ATP5F1A: variants seen among roughly 807,000 people sequenced by gnomAD.
The protein encoded by ATP5F1A is ATP synthase F(1) complex subunit alpha, mitochondrial.
ATP5F1A carries 24 observed loss-of-function variants against 57.4 expected under a neutral mutation model. The ratio of observed to expected loss-of-function variants is 0.42; its 90% CI spans 0.30 to 0.59. The LOEUF (loss-of-function observed/expected upper bound fraction) is 0.59. Ranked by LOEUF, ATP5F1A falls within the 20% of genes least tolerant of loss-of-function variation. ATP5F1A has a pLI of 0.19. For synonymous variants in ATP5F1A, 251 were observed against 255.5 expected, an observed-to-expected ratio of 0.98 and a Z score of 0.17; for missense variants, 494 against 707.9, an observed-to-expected ratio of 0.70 and a Z score of 3.43.
intron 1 of ATP5F1A, chr18:46,097,865 G>T (rs1403540612): frequency 8.5e-7 from 1 of 1,181,214 alleles, no homozygotes; most frequent in Non-Finnish European, 1.0e-6. Flanking sequence ...GAGAGCTAGC[G>T]CCCAAGCCCT....
chr18:46,102,226 T>A (rs1911296467), upstream of ATP5F1A, among the ~76,000 whole-genome samples: 1 of 151,864 alleles, frequency 6.6e-6, no homozygotes, highest in Non-Finnish European at 1.5e-5. Flanking sequence ...GTGATAAAAG[T>A]GGACAAAAGA....
intron 3 of ATP5F1A, among the ~76,000 whole-genome samples, chr18:46,090,495 CCAAT>C (rs1385000310): frequency 4.6e-5 from 7 of 152,242 alleles, no homozygotes; most frequent in East Asian, 1.9e-4. Context: ...CTAACTGTAA[CCAAT>C]CAAATACAAA....
chr18:46,092,659 T>A (rs1020200482), intron 2 of ATP5F1A, among the ~76,000 whole-genome samples: 2 of 151,244 alleles, frequency 1.3e-5, no homozygotes, highest in Admixed American at 6.6e-5. Context: ...CACGAGATTC[T>A]ATTTTTAAAA....
intron 3 of ATP5F1A, among the ~76,000 whole-genome samples, chr18:46,090,974 T>C (rs988303794): frequency 1.5e-4 from 23 of 152,224 alleles, no homozygotes; most frequent in Non-Finnish European, 2.1e-4. Flanking sequence ...AGATAAATAC[T>C]GTACACTGAA....
intron 1 of ATP5F1A, chr18:46,097,895 C>T: frequency 8.2e-7 from 1 of 1,225,946 alleles, no homozygotes; most frequent in Non-Finnish European, 1.0e-6. Context: ...CCAAGATCCC[C>T]CTTCTAGGGC....
intron 1 of ATP5F1A, among the ~76,000 whole-genome samples, chr18:46,096,982 C>CAAAAAAAAAAAAAAAAAAAAAA (rs71160709): frequency 1.3e-5 from 1 of 75,170 alleles, no homozygotes; most frequent in African/African-American, 6.2e-5. Flanking sequence ...GACACCATCT[C>CAAAAAAAAAAAAAAAAAAAAAA]AAAAAAAAAA....
intron 2 of ATP5F1A, among the ~76,000 whole-genome samples, chr18:46,092,625 A>G (rs1034316271): frequency 6.7e-6 from 1 of 150,058 alleles, no homozygotes; most frequent in Non-Finnish European, 1.5e-5. Context: ...AATTATATAT[A>G]TATATATATA....
chr18:46,087,273 A>G (rs1193814926), intron 7 of ATP5F1A, 41 bp from the exon 8 acceptor site: 2 of 1,611,654 alleles, frequency 1.2e-6, no homozygotes, highest in Non-Finnish European at 1.7e-6. Context: ...CCTATTAAAT[A>G]GAAGTTGCAT....
At chr18:46,100,416 AG>A (rs1911243099), upstream of ATP5F1A, among the ~76,000 whole-genome samples, 1 of 152,212 alleles carries the variant, frequency 6.6e-6, no homozygotes, top group Admixed American at 6.6e-5. Flanking sequence ...GTACGTCAGA[AG>A]AACAAACAGA....
At chr18:46,096,718 A>T (rs1010846571) in intron 1 of ATP5F1A, among the ~76,000 whole-genome samples, 1 of 151,418 alleles carries the variant, frequency 6.6e-6, no homozygotes, top group Non-Finnish European at 1.5e-5. Context: ...ACGACGGCTC[A>T]TGCTTGTAAT....
Position 46,091,865 on chromosome 18 carries a change from T to G in ATP5F1A, c.140-14A>C. The G allele has an allele frequency of 6.3e-7, 1 of 1,599,966 alleles. No individual in the cohort carries two copies. The highest frequency in any genetic ancestry group is 8.5e-7 in the Non-Finnish European group (1 of 1,175,190). ...TCTCAGCAGTCCCTATGGAAGACAA[T>G]TCAATTCAATTAAAAAAATAATCTG... On this transcript the variant is annotated splice_polypyrimidine_tract_variant and intron_variant, in intron 2 of 11. Coordinates refer to ENST00000398752, the MANE Select transcript of ATP5F1A (RefSeq NM_004046.6).
chr18:46,091,028 G>A (rs932649434), intron 3 of ATP5F1A, among the ~76,000 whole-genome samples: 13 of 152,294 alleles, frequency 8.5e-5, no homozygotes, highest in South Asian at 2.1e-4. Flanking sequence ...ATAACTTTGG[G>A]CTCTGTAATT....
chr18:46,092,444 A>G (rs1910635988), intron 2 of ATP5F1A, among the ~76,000 whole-genome samples: 2 of 149,938 alleles, frequency 1.3e-5, no homozygotes, highest in Non-Finnish European at 3.0e-5. Flanking sequence ...CCCCGTCTCC[A>G]CTAAAAATAA....
intron 5 of ATP5F1A, chr18:46,088,518 T>C (rs536231891): frequency 5.9e-5 from 16 of 273,064 alleles, no homozygotes; most frequent in African/African-American, 3.6e-4. Context: ...AGGATGTGCT[T>C]TGGTAAAAAT....
chr18:46,092,449 A>C (rs1288138780), intron 2 of ATP5F1A, among the ~76,000 whole-genome samples: 1 of 150,522 alleles, frequency 6.6e-6, no homozygotes, highest in African/African-American at 2.4e-5. Context: ...TCTCCACTAA[A>C]AATAAAAAAA....
intron 6 of ATP5F1A, 56 bp downstream of exon 6, chr18:46,088,053 A>G (rs563064129): frequency 6.4e-7 from 1 of 1,559,100 alleles, no homozygotes; most frequent in Non-Finnish European, 8.6e-7. Flanking sequence ...GCTATTCTAC[A>G]ATCAGCAGCA....
chr18:46,097,315 A>G (rs561547357), intron 1 of ATP5F1A, among the ~76,000 whole-genome samples: 130 of 152,050 alleles, frequency 8.5e-4, no homozygotes, highest in African/African-American at 3.1e-3. Flanking sequence ...TTTTAGAACA[A>G]AAAAAAAGTG....
intron 5 of ATP5F1A, among the ~76,000 whole-genome samples, chr18:46,089,171 G>A (rs1910355969): frequency 6.6e-6 from 1 of 151,680 alleles, no homozygotes; most frequent in Non-Finnish European, 1.5e-5. Context: ...TCCTCCATAT[G>A]CTGAGCGCCG....
intron 2 of ATP5F1A, chr18:46,092,232 A>ATAATC (rs1910620077): frequency 6.8e-6 from 1 of 145,998 alleles, no homozygotes; most frequent in African/African-American, 2.5e-5. Flanking sequence ...TAATAATAAA[A>ATAATC]ATCTGGTCCT....
Sources: allele counts gnomAD v4.1 joint callset (sites outside exome capture counted in the v4.1 genomes callset), GRCh38; gene constraint gnomAD v4.1.1; transcripts MANE v1.5; gene names NCBI Gene and HGNC (gene_info 2026-07-23, HGNC 2026-07-21).